Variants in C1GALT1 observed in about 807,000 individuals in gnomAD.
C1GALT1 encodes the protein glycoprotein-N-acetylgalactosamine 3-beta-galactosyltransferase 1.
Under a neutral mutation model 31.0 loss-of-function variants are expected in C1GALT1, and 11 were observed. The ratio of observed to expected loss-of-function variants is 0.36; its 90% confidence interval spans 0.22 to 0.59. The LOEUF (loss-of-function observed/expected upper bound fraction) is 0.59. Ranked by LOEUF, C1GALT1 falls within the 20% of genes least tolerant of loss-of-function variation. The probability of loss-of-function intolerance (pLI) is 0.79; values close to 1 mark genes in which losing one functional copy is unlikely to be tolerated. For synonymous variants in C1GALT1, 175 were observed against 143.6 expected (o/e 1.22, Z -1.56); for missense variants, 424 against 425.2 (o/e 1.00, Z 0.03).
intron 1 of C1GALT1, among the ~76,000 whole-genome samples, chr7:7,197,670 A>G (rs565764979): frequency 6.6e-6 from 1 of 152,296 alleles, no homozygotes; most frequent in Admixed American, 6.5e-5. Context: ...CTTCCTATCC[A>G]TGAGCATGGA....
intron 1 of C1GALT1, among the ~76,000 whole-genome samples, chr7:7,216,391 A>C (rs1782240894): frequency 6.6e-6 from 1 of 152,104 alleles, no homozygotes; most frequent in Non-Finnish European, 1.5e-5. Context: ...TGGATGAACT[A>C]AGTAATGGGG....
intron 2 of C1GALT1, among the ~76,000 whole-genome samples, chr7:7,176,420 T>C (rs1780506962): frequency 6.6e-6 from 1 of 152,214 alleles, no homozygotes; most frequent in Non-Finnish European, 1.5e-5. Context: ...ACTTCAACTA[T>C]TTCACTTACA....
At chr7:7,215,826 C>A (rs1189853589) in intron 1 of C1GALT1, among the ~76,000 whole-genome samples, 2 of 151,944 alleles carry the variant, frequency 1.3e-5, no homozygotes, top group Non-Finnish European at 2.9e-5. Flanking sequence ...AGGTTAAATA[C>A]CTGAGTTAAA....
intron 1 of C1GALT1, among the ~76,000 whole-genome samples, chr7:7,209,271 G>A (rs1026764883): frequency 1.3e-5 from 2 of 152,278 alleles, no homozygotes; most frequent in Non-Finnish European, 2.9e-5. Context: ...AAAAGTGATT[G>A]ACTTCACATA....
chr7:7,184,285 A>G (rs1780722111), intron 1 of C1GALT1, among the ~76,000 whole-genome samples: 1 of 152,232 alleles, frequency 6.6e-6, no homozygotes, highest in Non-Finnish European at 1.5e-5. Flanking sequence ...TTCTTCATAA[A>G]GAGAATAATT....
In C1GALT1 at chr7:7,247,135, T is replaced by A. The variant is rs1050722411; in HGVS notation, c.*3408T>A. 2.6e-5 allele frequency: 4 copies of A among 152,208 alleles called. No individual in the cohort carries two copies. Among genetic ancestry groups the A allele is most frequent in the African/African-American group, 9.6e-5 (4 of 41,456 alleles). The allele number at this position is 152,208 out of a possible 1,614,324, so 9.4% of individuals were successfully genotyped here. A position where few individuals can be genotyped will look rare whatever the true frequency, so the allele number is the denominator to read the frequency against. On this transcript the variant is annotated 3_prime_UTR_variant, in exon 4 of 4. Transcript: ENST00000436587. ...AAGTAGTAAATGCTGTTTTATAACATACATTTTTCTGCTAATTCATTCTGT... is the reference window on the plus strand; with the variant it reads ...AAGTAGTAAATGCTGTTTTATAACAAACATTTTTCTGCTAATTCATTCTGT...
chr7:7,199,508 T>G (rs901832830), intron 1 of C1GALT1, among the ~76,000 whole-genome samples: 5 of 152,242 alleles, frequency 3.3e-5, no homozygotes, highest in Non-Finnish European at 7.3e-5. Flanking sequence ...GAAGAATGTA[T>G]ATTCTGTTGA....
In C1GALT1 at chr7:7,215,712, G is replaced by A. The variant is rs545286850; in HGVS notation, c.-17-18591G>A. ...TTCTTTTCCCTTTTGGCGTACTGTA[G>A]GAGACATATTGCTTATCTCCAAAAT... is the stretch of plus-strand genomic sequence containing the variant. On this transcript the variant is annotated intron_variant, in intron 1 of 3. Coordinates refer to ENST00000436587, the MANE Select transcript of C1GALT1 (RefSeq NM_020156.5). 1.6e-4 allele frequency among the ~76,000 whole-genome samples: 24 copies of A among 145,970 alleles called. No individual in the cohort carries two copies. In the East Asian group the frequency reaches 5.5e-3, roughly 34 times the overall value.
intron 1 of C1GALT1, among the ~76,000 whole-genome samples, chr7:7,216,286 C>G (rs970206552): frequency 7.9e-5 from 12 of 152,122 alleles, no homozygotes; most frequent in African/African-American, 2.9e-4. Flanking sequence ...GACGGGGTAT[C>G]CTCTGAATGT....
At chr7:7,243,449 C>A (rs1010577590) in intron 3 of C1GALT1, 75 bp from the exon 4 acceptor site, 2 of 1,208,564 alleles carry the variant, frequency 1.7e-6, no homozygotes, top group South Asian at 1.6e-5. Context: ...ATTAGCTGGT[C>A]CTTTATAAGT....
At chr7:7,203,231 C>T (rs1197806269) in intron 1 of C1GALT1, among the ~76,000 whole-genome samples, 1 of 151,792 alleles carries the variant, frequency 6.6e-6, no homozygotes, top group Non-Finnish European at 1.5e-5. Context: ...GTAGAACTTC[C>T]AGTACTATGT....
chr7:7,223,689 C>G (rs990259531), intron 1 of C1GALT1, among the ~76,000 whole-genome samples: 2 of 152,082 alleles, frequency 1.3e-5, no homozygotes, highest in African/African-American at 4.8e-5. Context: ...GTCACATTAT[C>G]TACAAATCTG....
chr7:7,193,311 A>G (rs1049501120), intron 1 of C1GALT1, among the ~76,000 whole-genome samples: 1 of 151,812 alleles, frequency 6.6e-6, no homozygotes, highest in African/African-American at 2.4e-5. Context: ...TCTTTGATCT[A>G]ATCTTGAGTT....
chr7:7,235,415 A>G (rs1783290220), intron 2 of C1GALT1: 1 of 152,204 alleles, frequency 6.6e-6, no homozygotes, highest in Non-Finnish European at 1.5e-5. Context: ...ACTAGCAAAC[A>G]TAAACATACT....
upstream of C1GALT1, among the ~76,000 whole-genome samples, chr7:7,179,397 T>C (rs1365156704): frequency 6.6e-6 from 1 of 152,268 alleles, no homozygotes; most frequent in African/African-American, 2.4e-5. Flanking sequence ...TAAAATTTAA[T>C]ACACGAAATT....
intron 2 of C1GALT1, among the ~76,000 whole-genome samples, chr7:7,168,601 G>A (rs12530890): frequency 0.024 from 3,667 of 152,050 alleles, 134 homozygotes; most frequent in East Asian, 0.16. Context: ...TACCATTTTC[G>A]TGGTTACAAA....
chr7:7,175,104 C>T (rs897961541), intron 2 of C1GALT1, among the ~76,000 whole-genome samples: 10 of 152,088 alleles, frequency 6.6e-5, no homozygotes, highest in African/African-American at 2.2e-4. Flanking sequence ...ATTAGATTTT[C>T]TTCACTTTCC....
At chr7:7,226,368 A>T (rs953929096) in intron 1 of C1GALT1, among the ~76,000 whole-genome samples, 6 of 56,240 alleles carry the variant, frequency 1.1e-4, no homozygotes, top group South Asian at 4.2e-4. Flanking sequence ...GTTAAAATTT[A>T]AAAAAAAAAA....
rs1780641812 is a variant in C1GALT1, at chr7:7,182,818, C to G, written c.-20C>G. On this transcript the variant is annotated splice_region_variant and 5_prime_UTR_variant, in exon 1 of 4. The change creates a premature stop within an existing upstream ORF in the 5' untranslated region. Transcript: ENST00000436587. Reference sequence around the variant, plus strand: ...GGCGAGAGGGAGCCGCAGCTGATGTCAGGTATGGCCGGCGGAGGCGCCCTC... The same window carrying G: ...GGCGAGAGGGAGCCGCAGCTGATGTGAGGTATGGCCGGCGGAGGCGCCCTC... 7 of 985,560 alleles carry G rather than the reference C, an allele frequency of 7.1e-6. No individual in the cohort carries two copies. The South Asian group carries it at 3.3e-4, about 46-fold the overall frequency. The allele number at this position is 985,560 out of a possible 1,614,324, so 61.1% of individuals were successfully genotyped here.
Sources: gnomAD v4.1 joint callset for allele counts (sites outside exome capture counted in the v4.1 genomes callset) on GRCh38, gnomAD v4.1.1 for gene constraint, MANE v1.5 for transcripts, NCBI Gene and HGNC (gene_info 2026-07-23, HGNC 2026-07-21) for gene names.